The following DPP6 variants were observed in gnomAD, a reference collection of about 807,000 sequenced individuals.
The protein encoded by DPP6 is A-type potassium channel modulatory protein DPP6.
DPP6 carries 69 observed loss-of-function variants against 122.6 expected under a neutral mutation model. That is an observed-to-expected ratio of 0.56 (90% CI 0.46 to 0.69). The LOEUF (loss-of-function observed/expected upper bound fraction) is 0.69, where lower values mean the gene tolerates loss of function less well. Ranked by LOEUF, DPP6 falls within the 30% of genes least tolerant of loss-of-function variation. The probability of loss-of-function intolerance (pLI) is 0.00; values close to 1 mark genes in which losing one functional copy is unlikely to be tolerated. For missense variants in DPP6, 928 were observed against 1,116.9 expected (o/e 0.83, Z 2.41); for synonymous variants, 418 against 433.1 (o/e 0.97, Z 0.43).
At position 154,064,486 on chromosome 7, in the gene DPP6, GA is replaced by G. The variant is rs552369915; in HGVS notation, c.243+11431del. ...GACACATTCCACAATGACCTACAGA[GA>G]AAAAAAAGGCTCAAATTGTATAGCA... On this transcript the variant is annotated intron_variant, in intron 1 of 25. Coordinates refer to ENST00000377770, the MANE Select transcript of DPP6 (RefSeq NM_130797.4). Among the ~76,000 whole-genome samples, 1,048 of 151,842 alleles carry G rather than the reference GA, an allele frequency of 6.9e-3. 10 individuals carry two copies. Among genetic ancestry groups the G allele is most frequent in the Non-Finnish European group, 0.011 (715 of 67,906 alleles).
chr7:154,214,450 G>A (rs1799893265), intron 1 of DPP6, among the ~76,000 whole-genome samples: 1 of 152,168 alleles, frequency 6.6e-6, no homozygotes, highest in South Asian at 2.1e-4. Context: ...AAAGAATGAT[G>A]AATTATTAAA....
intron 1 of DPP6, among the ~76,000 whole-genome samples, chr7:154,422,424 G>A (rs1388263662): frequency 1.3e-5 from 2 of 152,122 alleles, no homozygotes; most frequent in Admixed American, 1.3e-4. Context: ...TTTATTACAG[G>A]TAAAAGCAAT....
At chr7:154,815,727 G>A (rs1799383057) in intron 16 of DPP6, among the ~76,000 whole-genome samples, 1 of 152,184 alleles carries the variant, frequency 6.6e-6, no homozygotes, top group Non-Finnish European at 1.5e-5. Context: ...CTCTGAGTGG[G>A]AACGGGACAG....
chr7:154,575,392 G>T (rs1831538357), intron 5 of DPP6, among the ~76,000 whole-genome samples: 1 of 89,284 alleles, frequency 1.1e-5, no homozygotes, highest in Non-Finnish European at 2.1e-5. Flanking sequence ...TGATGTGTGT[G>T]TAGTGTGTGT....
At chr7:154,788,459 G>T (rs1021931608) in intron 10 of DPP6, among the ~76,000 whole-genome samples, 1 of 148,720 alleles carries the variant, frequency 6.7e-6, no homozygotes, top group African/African-American at 2.5e-5. Context: ...AAAAAAAAAA[G>T]TAGAAGATAC....
chr7:153,981,436 C>G (rs1796580423), intron 1 of DPP6, among the ~76,000 whole-genome samples: 1 of 152,158 alleles, frequency 6.6e-6, no homozygotes, highest in Non-Finnish European at 1.5e-5. Flanking sequence ...CTATGTGTGT[C>G]TCTGCATGTG....
At chr7:154,599,148 A>T (rs1259367666) in intron 5 of DPP6, among the ~76,000 whole-genome samples, 1 of 152,238 alleles carries the variant, frequency 6.6e-6, no homozygotes, top group Non-Finnish European at 1.5e-5. Context: ...TTGCAAATAA[A>T]TACAACCAAA....
rs759140424 is a variant in DPP6 at position 154,727,895 on chromosome 7, G to A, written c.883+8G>A. On this transcript the variant is annotated splice_region_variant and intron_variant, in intron 8 of 25. Coordinates refer to ENST00000377770, the MANE Select transcript of DPP6 (RefSeq NM_130797.4). ...GTGACTGGCTGTATGAAGGTAAGAT[G>A]TGCACAGAGAGAAAAAAGGAAGATT... 1.9e-6 allele frequency: 3 copies of A among 1,580,184 alleles called. No individual in the cohort carries two copies. The highest frequency in any genetic ancestry group is 2.3e-5 in the East Asian group (1 of 44,296).
chr7:154,418,117 C>T (rs1373140995), intron 1 of DPP6, among the ~76,000 whole-genome samples: 2 of 152,210 alleles, frequency 1.3e-5, no homozygotes, highest in African/African-American at 4.8e-5. Context: ...GAAACCATCT[C>T]CTCCTCCAGC....
At chr7:153,973,757 C>A (rs548951485) in intron 1 of DPP6, among the ~76,000 whole-genome samples, 2 of 149,886 alleles carry the variant, frequency 1.3e-5, no homozygotes, top group East Asian at 3.9e-4. Context: ...GAGGATTCTT[C>A]CTGGTGGTTC....
At chr7:153,801,120 C>T in the DPP6 span, among the ~76,000 whole-genome samples, 3 of 150,222 alleles carry the variant, frequency 2.0e-5, no homozygotes, top group African/African-American at 4.9e-5. Context: ...CAGCACATTT[C>T]GGAATTTCAA....
At chr7:154,506,694 C>T (rs1825691241) in intron 3 of DPP6, among the ~76,000 whole-genome samples, 1 of 151,940 alleles carries the variant, frequency 6.6e-6, no homozygotes. Context: ...AGATGATGAC[C>T]CATATTATCT....
Position 154,060,764 on chromosome 7 carries a change from T to TC in DPP6, c.243+7708dup, listed in dbSNP as rs564710484. 1.6e-4 allele frequency among the ~76,000 whole-genome samples: 21 copies of TC among 127,350 alleles called. No homozygotes were observed. The East Asian group carries it at 3.4e-3, about 20-fold the overall frequency. The allele number at this position is 127,350 out of a possible 152,430, so 83.5% of individuals were successfully genotyped here. A position where few individuals can be genotyped will look rare whatever the true frequency, so the allele number is the denominator to read the frequency against. On this transcript the variant is annotated intron_variant, in intron 1 of 25. Transcript: ENST00000377770. The stretch of plus-strand genomic sequence containing the variant: ...GCAGGGACTGAGAGCCAGTCCCTCT[T>TC]CCCCCCCTGGCTCTTAGGACGCCCA...
chr7:154,227,210 TGAG>T (rs1348568187), intron 1 of DPP6, among the ~76,000 whole-genome samples: 3 of 3,334 alleles, frequency 9.0e-4, no homozygotes, highest in Non-Finnish European at 1.3e-3. Flanking sequence ...ATAAAGAAAA[TGAG>T]GGACACACAC....
chr7:154,806,957 C>A (rs1798732477), intron 15 of DPP6, 37 bp from the exon 16 acceptor site: 2 of 1,608,100 alleles, frequency 1.2e-6, no homozygotes, highest in Non-Finnish European at 1.7e-6. Flanking sequence ...CAGCTCCTCT[C>A]CGCCCACATT....
rs1232667630 is a variant in DPP6, at chr7:154,601,564, AC to A, written c.627+34649del. ...TTTTGATTCATATTTGCCTGGTAGA[AC>A]TTTTTCTATCCTTTTACTTCTAACC... On this transcript the variant is annotated intron_variant, in intron 5 of 25. Coordinates refer to ENST00000377770, the MANE Select transcript of DPP6 (RefSeq NM_130797.4). Among the ~76,000 whole-genome samples, 2 of 120,680 alleles carry A rather than the reference AC, an allele frequency of 1.7e-5. 1 individual carries two copies. Among genetic ancestry groups the A allele is most frequent in the Middle Eastern group, 7.8e-3 (2 of 256 alleles). 79.2% of individuals were successfully genotyped at this position (120,680 alleles called of 152,430 possible). A position where few individuals can be genotyped will look rare whatever the true frequency, so the allele number is the denominator to read the frequency against.
Position 153,985,978 on chromosome 7 carries a change from TCA to T in DPP6, c.51+98247_51+98248del, listed in dbSNP as rs1315263972. On this transcript the variant is annotated intron_variant, in intron 1 of 25. Coordinates refer to the DPP6 transcript ENST00000404039. The stretch of plus-strand genomic sequence containing the variant: ...CTCTGACTTCTAGGCGTCTGAGTAA[TCA>T]CAGACACCCACACATTGTTTTAAAA... 2.6e-5 allele frequency among the ~76,000 whole-genome samples: 4 copies of T among 152,228 alleles called. No individual in the cohort carries two copies. The East Asian group carries it at 7.7e-4, about 29-fold the overall frequency.
At chr7:153,819,592 T>C in the DPP6 span, among the ~76,000 whole-genome samples, 12 of 152,128 alleles carry the variant, frequency 7.9e-5, no homozygotes, top group African/African-American at 2.9e-4. Flanking sequence ...GTTTCAGAGA[T>C]GCCAAATGTG....
chr7:154,881,099 G>C, intron 21 of DPP6, 157 bp downstream of exon 21: 1 of 1,230,636 alleles, frequency 8.1e-7, no homozygotes, highest in East Asian at 2.7e-5. Flanking sequence ...GATTCCAGCC[G>C]TGGGAGGTTT....
Sources: allele counts gnomAD v4.1 joint callset (sites outside exome capture counted in the v4.1 genomes callset), GRCh38; gene constraint gnomAD v4.1.1; transcripts MANE v1.5; gene names NCBI Gene and HGNC (gene_info 2026-07-23, HGNC 2026-07-21).